SLC7A8: variants seen among roughly 807,000 people sequenced by gnomAD.
The protein encoded by SLC7A8 is large neutral amino acids transporter small subunit 2.
Under a neutral mutation model 51.2 loss-of-function variants are expected in SLC7A8, and 30 were observed. That is an observed-to-expected ratio of 0.59 (90% CI 0.44 to 0.80). The LOEUF (loss-of-function observed/expected upper bound fraction) is 0.80. Ranked by LOEUF, SLC7A8 falls within the 30% of genes least tolerant of loss-of-function variation. The pLI, the probability that SLC7A8 is intolerant of heterozygous loss-of-function variation, is 0.00. For synonymous variants in SLC7A8, 257 were observed against 275.8 expected (o/e 0.93, Z 0.67); for missense variants, 612 against 674.4 (o/e 0.91, Z 1.03).
At position 23,127,157 on chromosome 14, in the gene SLC7A8, T is replaced by G. The variant is rs2048584929; in HGVS notation, c.*20A>C. On this transcript the variant is annotated 3_prime_UTR_variant, in exon 11 of 11. Transcript: ENST00000316902. ...GATAAAAGGGGGAGGAAGGAGAGAG[T>G]AGCCAGGGAATGGTGGTCCTCAGGG... 1 of 1,611,446 alleles carries G rather than the reference T, an allele frequency of 6.2e-7. No individual in the cohort carries two copies. The highest frequency in any genetic ancestry group is 8.5e-7 in the Non-Finnish European group (1 of 1,178,576).
intron 3 of SLC7A8, among the ~76,000 whole-genome samples, chr14:23,143,511 T>C (rs183673120): frequency 6.6e-6 from 1 of 152,332 alleles, no homozygotes; most frequent in Admixed American, 6.5e-5. Flanking sequence ...GGCACAAGTA[T>C]GGGCTTTGTC....
At chr14:23,154,363 C>G in intron 3 of SLC7A8, 1 of 999,590 alleles carries the variant, frequency 1.0e-6, no homozygotes, top group Non-Finnish European at 1.2e-6. Flanking sequence ...ATGTCCCTCC[C>G]AGCAGCCCTC....
intron 4 of SLC7A8, among the ~76,000 whole-genome samples, chr14:23,142,158 CGGGCTGCCCA>C (rs2048751194): frequency 6.6e-6 from 1 of 152,142 alleles, no homozygotes; most frequent in Non-Finnish European, 1.5e-5. Flanking sequence ...AGTAGAAGTC[CGGGCTGCCCA>C]CACTGCCTTC....
intron 1 of SLC7A8, among the ~76,000 whole-genome samples, chr14:23,174,047 A>G (rs2048987808): frequency 6.6e-6 from 1 of 152,214 alleles, no homozygotes; most frequent in African/African-American, 2.4e-5. Context: ...CGGTTTGCAA[A>G]CTTAAGACTA....
At chr14:23,174,882 C>T (rs2048991883) in intron 1 of SLC7A8, among the ~76,000 whole-genome samples, 1 of 152,146 alleles carries the variant, frequency 6.6e-6, no homozygotes, top group African/African-American at 2.4e-5. Flanking sequence ...TTTCTAGCCC[C>T]CTGGGTTCCT....
At chr14:23,148,450 A>T (rs2048817873) in intron 3 of SLC7A8, among the ~76,000 whole-genome samples, 1 of 152,030 alleles carries the variant, frequency 6.6e-6, no homozygotes, top group East Asian at 1.9e-4. Flanking sequence ...CTGGTCTCGA[A>T]TTCCTGAACT....
chr14:23,164,998 A>T (rs568632844), intron 3 of SLC7A8, among the ~76,000 whole-genome samples: 51 of 151,860 alleles, frequency 3.4e-4, no homozygotes, highest in African/African-American at 1.2e-3. Context: ...CCTCAAAAAA[A>T]AAAAAATGGA....
At chr14:23,155,021 C>CAAAAAAAAA (rs1422784387) in intron 3 of SLC7A8, 1 of 160,520 alleles carries the variant, frequency 6.2e-6, no homozygotes, top group Non-Finnish European at 1.1e-5. Flanking sequence ...AAAAAAAAAT[C>CAAAAAAAAA]AAAGCAGCCC....
intron 3 of SLC7A8, among the ~76,000 whole-genome samples, chr14:23,160,944 TTCTCTC>T (rs148796933): frequency 2.0e-5 from 3 of 150,438 alleles, no homozygotes; most frequent in Admixed American, 6.6e-5. Context: ...GTAAAATACT[TTCTCTC>T]TCTCTCTCTC....
At chr14:23,150,430 A>T (rs2048836238) in intron 3 of SLC7A8, among the ~76,000 whole-genome samples, 1 of 152,206 alleles carries the variant, frequency 6.6e-6, no homozygotes, top group African/African-American at 2.4e-5. Flanking sequence ...GGAAGGAGGC[A>T]GAGTCGGCTC....
chr14:23,143,339 A>C, intron 3 of SLC7A8, 135 bp from the exon 4 acceptor site: 2 of 1,215,576 alleles, frequency 1.6e-6, no homozygotes, highest in Non-Finnish European at 2.3e-6. Context: ...AGCAAGCTCA[A>C]CCCCAGGGAC....
At position 23,128,814 on chromosome 14, in the gene SLC7A8, T is replaced by C. The variant is rs142556682; in HGVS notation, c.1264-618A>G. 3.9e-5 allele frequency among the ~76,000 whole-genome samples: 6 copies of C among 152,268 alleles called. No individual in the cohort carries two copies. The highest frequency in any genetic ancestry group is 1.4e-4 in the African/African-American group (6 of 41,550). Reference sequence around the variant, plus strand: ...GTCTTCCTCGCTCAGAAGGGATGTGTGTGGTGGGGACATGGGGTTATTCTA... The same window carrying C: ...GTCTTCCTCGCTCAGAAGGGATGTGCGTGGTGGGGACATGGGGTTATTCTA... On this transcript the variant is annotated intron_variant, in intron 9 of 10. Transcript: ENST00000316902. The surrounding 1 kb of genome is among the most constrained non-coding windows in gnomAD (Gnocchi z 4.3).
chr14:23,127,089 G>A lies in SLC7A8; in HGVS notation c.*88C>T. ...CTGACAAAAGCAGAGAGAGGGGTGT[G>A]TGTGTACTCGCATGTGTTGGCAGGA... On this transcript the variant is annotated 3_prime_UTR_variant, in exon 11 of 11. Coordinates refer to ENST00000316902, the MANE Select transcript of SLC7A8 (RefSeq NM_012244.4). The A allele has an allele frequency of 6.8e-7, 1 of 1,476,760 alleles. No homozygotes were observed. The highest frequency in any genetic ancestry group is 1.7e-5 in the Admixed American group (1 of 58,154). 91.5% of individuals were successfully genotyped at this position (1,476,760 alleles called of 1,614,324 possible).
At position 23,170,356 on chromosome 14, in the gene SLC7A8, T is replaced by A. The variant is rs139439342; in HGVS notation, c.152-3816A>T. ...CTTGGACACTGTCTAAGTGAGACTT[T>A]CCTGGAGTGGCTTTGAAAAAGACGA... On this transcript the variant is annotated intron_variant, in intron 1 of 10. Coordinates refer to ENST00000316902, the MANE Select transcript of SLC7A8 (RefSeq NM_012244.4). 7.5e-3 allele frequency among the ~76,000 whole-genome samples: 1,144 copies of A among 152,344 alleles called. 5 individuals are homozygous for A. Among genetic ancestry groups the A allele is most frequent in the Non-Finnish European group, 0.011 (768 of 68,030 alleles).
chr14:23,146,562 C>A (rs2048795723), intron 3 of SLC7A8, among the ~76,000 whole-genome samples: 1 of 152,332 alleles, frequency 6.6e-6, no homozygotes, highest in East Asian at 1.9e-4. Context: ...TTCTGTCTTG[C>A]CTAACCTTAT....
chr14:23,134,263 C>A lies in SLC7A8; in HGVS notation c.1017-2706G>T, dbSNP rs144576515. Among the ~76,000 whole-genome samples the A allele has an allele frequency of 4.3e-4, 64 of 150,074 alleles. 1 individual carries two copies. The East Asian group carries it at 0.012, about 27-fold the overall frequency. ...TGCAGCCTGGGCAACATGGTGAAAC[C>A]CTGTCTCTACAAAAAATACAAAAAT... On this transcript the variant is annotated intron_variant, in intron 7 of 10. Transcript: ENST00000316902.
chr14:23,175,319 G>A (rs545435922), intron 1 of SLC7A8, among the ~76,000 whole-genome samples: 4 of 152,140 alleles, frequency 2.6e-5, no homozygotes, highest in South Asian at 2.1e-4. Flanking sequence ...AGCAATTCTC[G>A]TGCCTCAGCC....
chr14:23,179,447 TAGTC>T (rs909224525), intron 1 of SLC7A8, among the ~76,000 whole-genome samples: 11 of 151,712 alleles, frequency 7.3e-5, no homozygotes, highest in East Asian at 3.9e-4. Context: ...TTATCCCTCT[TAGTC>T]AGTAAGGTAT....
Position 23,165,324 on chromosome 14 carries a change from G to GGGGGAAGCAGGT in SLC7A8, c.457_468dup (p.Thr153_Pro156dup). On this transcript the variant is annotated inframe_insertion, in exon 3 of 11. Coordinates refer to ENST00000316902, the MANE Select transcript of SLC7A8 (RefSeq NM_012244.4). This position sits in a 1 kb window ranked among gnomAD's most constrained non-coding sequence, Gnocchi z 4.2. ...GCCAGGAGCCGAAGGCCAGACTCTG[G>GGGGGAAGCAGGT]GGGGAAGCAGGTGGGGAAGAGCGGC... The GGGGGAAGCAGGT allele has an allele frequency of 6.2e-7, 1 of 1,608,416 alleles. No homozygotes were observed. Among genetic ancestry groups the GGGGGAAGCAGGT allele is most frequent in the Non-Finnish European group, 8.5e-7 (1 of 1,177,526 alleles).
Sources: gnomAD v4.1 joint callset for allele counts (sites outside exome capture counted in the v4.1 genomes callset) on GRCh38, gnomAD v4.1.1 for gene constraint, Gnocchi (gnomAD v3.1) non-coding constraint, MANE v1.5 for transcripts, NCBI Gene and HGNC (gene_info 2026-07-23, HGNC 2026-07-21) for gene names.